FER1L5: variants seen among roughly 807,000 people sequenced by gnomAD.
The protein encoded by FER1L5 is fer-1 like family member 5.
Under a neutral mutation model 279.9 loss-of-function variants are expected in FER1L5, and 187 were observed. That is an observed-to-expected ratio of 0.67 (90% CI 0.59 to 0.75). FER1L5 has a LOEUF of 0.75. Among genes scored for constraint, FER1L5 ranks in the 30% least tolerant of loss-of-function variants. FER1L5 has a pLI of 0.00. For missense variants in FER1L5, 2,091 were observed against 2,594.4 expected (o/e 0.81, Z 4.21); for synonymous variants, 921 against 989.7 (o/e 0.93, Z 1.30).
chr2:96,697,922 C>T lies in FER1L5; in HGVS notation c.4237-115C>T, dbSNP rs371176682. Reference sequence around the variant, plus strand: ...CCCTGTCTGAAGCACACAGTGCTGGCCCCAGGGCCGCTGACTGCCAGATGC... The same window carrying T: ...CCCTGTCTGAAGCACACAGTGCTGGTCCCAGGGCCGCTGACTGCCAGATGC... On this transcript the variant is annotated intron_variant, in intron 39 of 52. Transcript: ENST00000624922. 29 of 1,471,572 alleles carry T rather than the reference C, an allele frequency of 2.0e-5. 1 individual carries two copies. In the East Asian group the frequency reaches 3.0e-4, roughly 15 times the overall value. The allele number at this position is 1,471,572 out of a possible 1,614,324, so 91.2% of individuals were successfully genotyped here. A position where few individuals can be genotyped will look rare whatever the true frequency, so the allele number is the denominator to read the frequency against.
At chr2:96,663,677 T>C (rs1157560135) in intron 14 of FER1L5, among the ~76,000 whole-genome samples, 170 bp downstream of exon 14, 2 of 152,178 alleles carry the variant, frequency 1.3e-5, no homozygotes, top group African/African-American at 2.4e-5. Flanking sequence ...TGGAAAACTT[T>C]ACCTTTTACA....
chr2:96,702,482 T>C lies in FER1L5; in HGVS notation c.5255+81T>C. On this transcript the variant is annotated intron_variant, in intron 47 of 52. Coordinates refer to ENST00000624922, the MANE Select transcript of FER1L5 (RefSeq NM_001293083.2). This position sits in a 1 kb window ranked among gnomAD's most constrained non-coding sequence, Gnocchi z 4.0. The stretch of plus-strand genomic sequence containing the variant: ...CCTGCTGGCACGGCCCAGTCCTGAA[T>C]GGGACACCTCTCCATCCAGCTCTGC... 1 of 1,554,428 alleles carries C rather than the reference T, an allele frequency of 6.4e-7. No individual in the cohort carries two copies. The highest frequency in any genetic ancestry group is 8.7e-7 in the Non-Finnish European group (1 of 1,149,172).
chr2:96,661,695 G>A lies in FER1L5; in HGVS notation c.922G>A (p.Asp308Asn), dbSNP rs780144758. ...LIDQKLLYGT[D>N]DTDIQIFKSA... ...AGATCAAAAGCTGCTCTATGGCACC[G>A]ATGACACCGATATTCAGATCTTCAA... The change falls in exon 12 of 53, where the codon GAT becomes AAT. Residue 308 changes from aspartate (D) to asparagine (N), a missense_variant. By Grantham distance (23) the Asp-to-Asn change is conservative. Transcript: ENST00000624922. 9.7e-6 allele frequency: 15 copies of A among 1,551,534 alleles called. No homozygotes were observed. Among genetic ancestry groups the A allele is most frequent in the African/African-American group, 4.1e-5 (3 of 73,016 alleles).
rs570761089 is a variant in FER1L5 at position 96,684,447 on chromosome 2, G to A, written c.1790G>A (p.Arg597His). 4.7e-5 allele frequency: 73 copies of A among 1,551,252 alleles called. No individual in the cohort carries two copies. The Admixed American group carries it at 5.3e-4, about 11-fold the overall frequency. ...AACCTCCTCCACTTCACTCGGGACC[G>A]CCTGGTGAGTGGTGCGGGAGCCGAT... ...CLNLLHFTRD[R>H]LKANLDTLKS... Residue 597 changes from arginine (R) to histidine (H), a missense_variant, in exon 20 of 53, where the codon CGC (arginine) becomes CAC (histidine). Coordinates refer to ENST00000624922, the MANE Select transcript of FER1L5 (RefSeq NM_001293083.2).
In FER1L5 at chr2:96,663,431, C is replaced by T. The variant is rs1156905117; in HGVS notation, c.1072-8C>T. The T allele has an allele frequency of 6.4e-6, 10 of 1,551,456 alleles. No homozygotes were observed. Among genetic ancestry groups the T allele is most frequent in the Non-Finnish European group, 7.8e-6 (9 of 1,146,884 alleles). ...GGCTGGCACCAACACTGCTTTGGGA[C>T]ATTCCAGCTCAGGACACACATGCAG... is the stretch of plus-strand genomic sequence containing the variant. On this transcript the variant is annotated splice_region_variant and splice_polypyrimidine_tract_variant and intron_variant, in intron 13 of 52. Coordinates refer to ENST00000624922, the MANE Select transcript of FER1L5 (RefSeq NM_001293083.2).
In FER1L5 at chr2:96,698,170, C is replaced by T; in HGVS notation, c.4356+14C>T. 6.4e-7 allele frequency: 1 copy of T among 1,551,780 alleles called. No individual in the cohort carries two copies. On this transcript the variant is annotated intron_variant, in intron 40 of 52. Transcript: ENST00000624922. The surrounding 1 kb of genome is among the most constrained non-coding windows in gnomAD (Gnocchi z 5.5). ...GGGGAGTTCAAGGTGTGTGTCCACC[C>T]CAGCTTAGCTGCCCCTGTCTCCTTG...
chr2:96,691,228 C>A lies in FER1L5; in HGVS notation c.2782C>A (p.Pro928Thr). The change falls in exon 28 of 53, where the codon CCC (proline) becomes ACC (threonine). Residue 928 changes from proline to threonine, a missense_variant. By Grantham distance (38) the Pro-to-Thr change is conservative (BLOSUM62 -1). Transcript: ENST00000624922. This position sits in a 1 kb window ranked among gnomAD's most constrained non-coding sequence, Gnocchi z 6.0. ...AGTGGGGATCCCACCGTCGGGCCTG[C>A]CCCAGGTCTGGAGCCCGGTGGAGAA... is the stretch of plus-strand genomic sequence containing the variant. The part of the protein sequence containing the change: ...YGVGIPPSGL[P>T]QVWSPVEKTY... 1 of 1,550,266 alleles carries A rather than the reference C, an allele frequency of 6.5e-7. No individual in the cohort carries two copies. The highest frequency in any genetic ancestry group is 8.7e-7 in the Non-Finnish European group (1 of 1,146,820).
In FER1L5 at chr2:96,697,739, A is replaced by T. The variant is rs769988325; in HGVS notation, c.4214A>T (p.Tyr1405Phe). ...GAGCACAAGTCCCTGAAGTACAAGT[A>T]CAAAGACTACCACACCCTCAAGGTT... ...TDEHKSLKYK[Y>F]KDYHTLKVYE... is the part of the protein sequence containing the mutation. Residue 1405 changes from tyrosine (Y) to phenylalanine (F), a missense_variant, in exon 39 of 53, where the codon TAC becomes TTC. Coordinates refer to ENST00000624922, the MANE Select transcript of FER1L5 (RefSeq NM_001293083.2). 4 of 1,614,046 alleles carry T rather than the reference A, an allele frequency of 2.5e-6. No individual in the cohort carries two copies. The highest frequency in any genetic ancestry group is 3.4e-6 in the Non-Finnish European group (4 of 1,179,898).
intron 9 of FER1L5, among the ~76,000 whole-genome samples, chr2:96,658,252 G>A (rs948347078): frequency 5.3e-5 from 8 of 151,740 alleles, no homozygotes; most frequent in Admixed American, 2.6e-4. Flanking sequence ...TCCTGACCTT[G>A]TGAGCGGCCC....
chr2:96,649,775 A>T, intron 5 of FER1L5, 98 bp downstream of exon 5: 1 of 1,210,158 alleles, frequency 8.3e-7, no homozygotes, highest in East Asian at 2.5e-5. Flanking sequence ...CCAGCCCTTG[A>T]GGCCTACAGA....
Position 96,704,732 on chromosome 2 carries a change from C to T in FER1L5, c.*40C>T. 6.5e-7 allele frequency: 1 copy of T among 1,536,124 alleles called. No individual in the cohort carries two copies. Among genetic ancestry groups the T allele is most frequent in the South Asian group, 1.1e-5 (1 of 88,974 alleles). On this transcript the variant is annotated 3_prime_UTR_variant, in exon 53 of 53. Transcript: ENST00000624922. ...CTGGCTTTCCTCCTGCTACCAACAG[C>T]CCTCCCCTTGGGCTGGCTACCAGTT...
At chr2:96,668,848 G>GGCCGGGGGCTCA in intron 15 of FER1L5, 38 bp from the exon 16 acceptor site, 1 of 1,551,488 alleles carries the variant, frequency 6.4e-7, no homozygotes, top group Non-Finnish European at 8.7e-7. Context: ...ATGAGAGCTG[G>GGCCGGGGGCTCA]GCCGGGGGCT....
At position 96,699,578 on chromosome 2, in the gene FER1L5, C is replaced by T. The variant is rs1226531666; in HGVS notation, c.4639C>T (p.Leu1547=). ...MMFELTCNIP[L]EKDLEIQLYD... Reference sequence around the variant, plus strand: ...GTTTGAACTCACCTGCAACATACCCCTGGAGAAGGACCTAGAGATCCAGCT... The same window carrying T: ...GTTTGAACTCACCTGCAACATACCCTTGGAGAAGGACCTAGAGATCCAGCT... Residue 1547 remains leucine, a synonymous_variant, in exon 43 of 53, where the codon CTG becomes TTG. Coordinates refer to ENST00000624922, the MANE Select transcript of FER1L5 (RefSeq NM_001293083.2). 6.2e-7 allele frequency: 1 copy of T among 1,613,822 alleles called. No homozygotes were observed.
At position 96,691,314 on chromosome 2, in the gene FER1L5, G is replaced by C; in HGVS notation, c.2868G>C (p.Glu956Asp). The stretch of plus-strand genomic sequence containing the variant: ...GTGTGCGCTTCAGGAACCATGGGGA[G>C]CTGAGCCACGAGCAGGAGACCCTCT... ...WARVRFRNHG[E>D]LSHEQETLSF... Residue 956 changes from glutamate (E) to aspartate (D), a missense_variant, in exon 28 of 53, where the codon GAG becomes GAC. Coordinates refer to ENST00000624922, the MANE Select transcript of FER1L5 (RefSeq NM_001293083.2). The surrounding 1 kb of genome is among the most constrained non-coding windows in gnomAD (Gnocchi z 6.0). 2 of 1,550,484 alleles carry C rather than the reference G, an allele frequency of 1.3e-6. No homozygotes were observed. Among genetic ancestry groups the C allele is most frequent in the Non-Finnish European group, 1.7e-6 (2 of 1,146,780 alleles).
intron 3 of FER1L5, 100 bp from the exon 4 acceptor site, chr2:96,647,678 C>G (rs1388153595): frequency 2.4e-6 from 2 of 833,670 alleles, no homozygotes; most frequent in Non-Finnish European, 3.9e-6. Flanking sequence ...GACAGCACAG[C>G]CCTGGGAGGA....
intron 1 of FER1L5, among the ~76,000 whole-genome samples, chr2:96,646,122 C>T (rs763347823): frequency 6.7e-4 from 102 of 151,934 alleles, no homozygotes; most frequent in Non-Finnish European, 1.2e-3. Flanking sequence ...CCTCAGCCTC[C>T]CAAGTAGCTG....
chr2:96,671,978 G>C (rs2076344190), intron 18 of FER1L5, among the ~76,000 whole-genome samples: 1 of 152,134 alleles, frequency 6.6e-6, no homozygotes, highest in Non-Finnish European at 1.5e-5. Context: ...AAACCTGATT[G>C]AAAAGCTGGG....
intron 14 of FER1L5, among the ~76,000 whole-genome samples, chr2:96,665,028 G>A (rs964393559): frequency 2.6e-5 from 4 of 152,232 alleles, no homozygotes; most frequent in South Asian, 2.1e-4. Context: ...GATTTTGATC[G>A]CCTTTCAATC....
Position 96,693,652 on chromosome 2 carries a change from C to A in FER1L5, c.3439C>A (p.Leu1147Ile). The A allele has an allele frequency of 6.4e-7, 1 of 1,551,700 alleles. No homozygotes were observed. The highest frequency in any genetic ancestry group is 8.7e-7 in the Non-Finnish European group (1 of 1,146,980). Reference protein sequence around the residue: ...NPQDTKESPPLVVLELWQRDF... With the variant: ...NPQDTKESPPIVVLELWQRDF... ...ACAGGACACCAAAGAGAGCCCACCGCTTGTGGTGCTGGAGCTGTGGCAGCG... is the reference window on the plus strand; with the variant it reads ...ACAGGACACCAAAGAGAGCCCACCGATTGTGGTGCTGGAGCTGTGGCAGCG... Residue 1147 changes from leucine (L) to isoleucine (I), a missense_variant, in exon 32 of 53, where the codon CTT becomes ATT. Physicochemically the swap from Leu to Ile is conservative, Grantham distance 5. Transcript: ENST00000624922.
Sources: gnomAD v4.1 joint callset for allele counts (sites outside exome capture counted in the v4.1 genomes callset) on GRCh38, gnomAD v4.1.1 for gene constraint, Gnocchi (gnomAD v3.1) non-coding constraint, MANE v1.5 for transcripts, NCBI Gene and HGNC (gene_info 2026-07-23, HGNC 2026-07-21) for gene names.